Variants in SESTD1 observed in about 807,000 individuals in gnomAD.
The protein encoded by SESTD1 is SEC14 and spectrin domain containing 1.
In SESTD1, 43 loss-of-function variants were observed where a neutral mutation model predicts 101.7. That is an observed-to-expected ratio of 0.42 (90% CI 0.33 to 0.55). SESTD1 has a LOEUF of 0.55. SESTD1 is among the 20% of genes least tolerant of loss of function. The probability of loss-of-function intolerance (pLI) is 0.07; values close to 1 mark genes in which losing one functional copy is unlikely to be tolerated. For missense variants in SESTD1, 647 were observed against 815.1 expected, an observed-to-expected ratio of 0.79 and a Z score of 2.51; for synonymous variants, 283 against 286.8, an observed-to-expected ratio of 0.99 and a Z score of 0.13.
At chr2:179,224,868 C>T (rs1417982081) in intron 1 of SESTD1, among the ~76,000 whole-genome samples, 1 of 152,144 alleles carries the variant, frequency 6.6e-6, no homozygotes. Flanking sequence ...GTATCTCTTC[C>T]ATGTGGCTCT....
rs2046590504 is a variant in SESTD1 at position 179,206,323 on chromosome 2, T to A, written c.-25-14457A>T. On this transcript the variant is annotated intron_variant, in intron 1 of 17. Coordinates refer to ENST00000428443, the MANE Select transcript of SESTD1 (RefSeq NM_178123.5). ...AAACACCACAAAACAGCTAAAAAACTGTGAATCAATGAAGTGTGAGAGGGG... is the reference window on the plus strand; with the variant it reads ...AAACACCACAAAACAGCTAAAAAACAGTGAATCAATGAAGTGTGAGAGGGG... 1.5e-5 allele frequency among the ~76,000 whole-genome samples: 2 copies of A among 132,194 alleles called. 1 individual carries two copies. Among genetic ancestry groups the A allele is most frequent in the South Asian group, 5.7e-4 (2 of 3,504 alleles). The allele number at this position is 132,194 out of a possible 152,430, so 86.7% of individuals were successfully genotyped here. A position where few individuals can be genotyped will look rare whatever the true frequency, so the allele number is the denominator to read the frequency against.
intron 3 of SESTD1, among the ~76,000 whole-genome samples, chr2:179,177,187 T>G (rs2046026128): frequency 6.6e-6 from 1 of 152,168 alleles, no homozygotes; most frequent in South Asian, 2.1e-4. Context: ...TTGAGTGATT[T>G]AACTATTAAC....
At chr2:179,138,870 C>CAAAAAAAAAAAAAAAAAAAAAAAA (rs61703699) in intron 9 of SESTD1, among the ~76,000 whole-genome samples, 1 of 65,538 alleles carries the variant, frequency 1.5e-5, no homozygotes, top group African/African-American at 4.4e-5. Flanking sequence ...AACCCTGTCT[C>CAAAAAAAAAAAAAAAAAAAAAAAA]AAAAAAAAAA....
intron 11 of SESTD1, 57 bp downstream of exon 11, chr2:179,124,307 T>C: frequency 6.7e-7 from 1 of 1,499,444 alleles, no homozygotes; most frequent in African/African-American, 1.4e-5. Flanking sequence ...AAAAATTACG[T>C]GTAGGTAAGT....
At chr2:179,263,336 A>G (rs1559168100) in intron 1 of SESTD1, among the ~76,000 whole-genome samples, 1 of 152,232 alleles carries the variant, frequency 6.6e-6, no homozygotes, top group African/African-American at 2.4e-5. Flanking sequence ...TAACCAAGGT[A>G]TGTAACCAAA....
intron 9 of SESTD1, among the ~76,000 whole-genome samples, chr2:179,140,478 C>A (rs146926104): frequency 1.1e-4 from 17 of 152,220 alleles, no homozygotes; most frequent in African/African-American, 3.9e-4. Flanking sequence ...ACAGAGCATT[C>A]CCTCACGGCC....
At chr2:179,175,059 T>C (rs2045988356) in intron 4 of SESTD1, among the ~76,000 whole-genome samples, 2 of 152,020 alleles carry the variant, frequency 1.3e-5, no homozygotes, top group South Asian at 4.1e-4. Context: ...AGCAGACACA[T>C]GCCACTGGTA....
intron 3 of SESTD1, among the ~76,000 whole-genome samples, chr2:179,178,580 A>C (rs970628447): frequency 8.5e-5 from 13 of 152,192 alleles, no homozygotes; most frequent in South Asian, 4.1e-4. Flanking sequence ...ACATCTAAGA[A>C]GACCACCATG....
At chr2:179,156,176 A>G (rs1489121954) in intron 5 of SESTD1, among the ~76,000 whole-genome samples, 2 of 151,958 alleles carry the variant, frequency 1.3e-5, no homozygotes, top group Non-Finnish European at 2.9e-5. Context: ...ATGTGTGTGT[A>G]TATATACACA....
chr2:179,109,589 G>C lies in SESTD1; in HGVS notation c.*310C>G, dbSNP rs1308003772. 2 of 418,650 alleles carry C rather than the reference G, an allele frequency of 4.8e-6. No individual in the cohort carries two copies. The allele number at this position is 418,650 out of a possible 1,614,324, so 25.9% of individuals were successfully genotyped here. The stretch of plus-strand genomic sequence containing the variant: ...ATAGAGAGAATTCCTACTCTTATTA[G>C]CACCATTCAAAGCTTATTATCAGTT... On this transcript the variant is annotated 3_prime_UTR_variant, in exon 18 of 18. Transcript: ENST00000428443.
intron 13 of SESTD1, among the ~76,000 whole-genome samples, 198 bp downstream of exon 13, chr2:179,121,572 A>G (rs2044750512): frequency 6.6e-6 from 1 of 152,184 alleles, no homozygotes; most frequent in African/African-American, 2.4e-5. Flanking sequence ...AAAAAGGAAA[A>G]TGGTACCTAA....
At chr2:179,149,059 CAAAAAAAAAAAAAAAA>C (rs66636048) in intron 7 of SESTD1, among the ~76,000 whole-genome samples, 7 of 60,410 alleles carry the variant, frequency 1.2e-4, no homozygotes, top group South Asian at 6.2e-4. Flanking sequence ...GACTCCGTCT[CAAAAAAAAAAAAAAAA>C]AAAAAAAAAA....
At position 179,136,073 on chromosome 2, in the gene SESTD1, C is replaced by T. The variant is rs753825397; in HGVS notation, c.850-3647G>A. ...TCACGAAAGAGACAGGTAAGCAGTG[C>T]GATATAAAGAAAGCCCTAGCCATGA... On this transcript the variant is annotated intron_variant, in intron 9 of 17. Transcript: ENST00000428443. 3.1e-4 allele frequency among the ~76,000 whole-genome samples: 47 copies of T among 152,102 alleles called. 1 individual carries two copies. The highest frequency in any genetic ancestry group is 2.0e-3 in the Admixed American group (31 of 15,278).
intron 1 of SESTD1, among the ~76,000 whole-genome samples, chr2:179,234,421 C>G (rs1466283966): frequency 1.3e-5 from 2 of 152,148 alleles, no homozygotes; most frequent in East Asian, 3.8e-4. Context: ...GAAAATATGA[C>G]AGATTTCAAG....
chr2:179,124,452 C>G lies in SESTD1; in HGVS notation c.1079G>C (p.Ser360Thr), dbSNP rs769951240. 1.9e-6 allele frequency: 3 copies of G among 1,614,008 alleles called. No individual in the cohort carries two copies. The highest frequency in any genetic ancestry group is 1.3e-5 in the African/African-American group (1 of 74,924). The change falls in exon 11 of 18, where the codon AGT becomes ACT. Residue 360 changes from serine to threonine, a missense_variant. Ser to Thr is a moderately conservative substitution (Grantham distance 58, BLOSUM62 1). Transcript: ENST00000428443. Reference protein sequence around the residue: ...VELKSLQQQLSDVCYRQASQL... With the variant: ...VELKSLQQQLTDVCYRQASQL... ...ACTGGCCTGTCGATAACAAACATCA[C>G]TAAGTTGTTGCTGCAGTGACTTTAG... is the stretch of plus-strand genomic sequence containing the variant.
chr2:179,195,963 C>A (rs369119946), intron 1 of SESTD1, among the ~76,000 whole-genome samples: 1 of 151,642 alleles, frequency 6.6e-6, no homozygotes, highest in Admixed American at 6.6e-5. Flanking sequence ...CCAAGATGGC[C>A]GAATAGGAAC....
intron 5 of SESTD1, among the ~76,000 whole-genome samples, chr2:179,160,581 AAAC>A (rs2045716829): frequency 6.6e-6 from 1 of 152,180 alleles, no homozygotes; most frequent in South Asian, 2.1e-4. Flanking sequence ...CAATTGATAG[AAAC>A]ATCATATTCT....
chr2:179,179,305 G>GA lies in SESTD1; in HGVS notation c.165-2768dup, dbSNP rs201256362. 9.2e-4 allele frequency among the ~76,000 whole-genome samples: 139 copies of GA among 151,444 alleles called. 4 individuals carry two copies. In the East Asian group the frequency reaches 0.023, roughly 25 times the overall value. Reference sequence around the variant, plus strand: ...TAACTATACTTTAAGAACAGTAATAGAAAAAAAAATCTAAGACCCAGCCTC... The same window carrying GA: ...TAACTATACTTTAAGAACAGTAATAGAAAAAAAAAATCTAAGACCCAGCCTC... On this transcript the variant is annotated intron_variant, in intron 3 of 17. Coordinates refer to ENST00000428443, the MANE Select transcript of SESTD1 (RefSeq NM_178123.5).
intron 5 of SESTD1, among the ~76,000 whole-genome samples, chr2:179,164,649 G>A (rs1445179555): frequency 1.3e-5 from 2 of 152,144 alleles, no homozygotes; most frequent in East Asian, 3.9e-4. Context: ...AGGATATACA[G>A]AGAAATATTA....
Sources: gnomAD v4.1 joint callset for allele counts (sites outside exome capture counted in the v4.1 genomes callset) on GRCh38, gnomAD v4.1.1 for gene constraint, MANE v1.5 for transcripts, NCBI Gene and HGNC (gene_info 2026-07-23, HGNC 2026-07-21) for gene names.